The following CCDC148 variants were observed in gnomAD, a reference collection of about 807,000 sequenced individuals.
The protein encoded by CCDC148 is coiled-coil domain-containing protein 148.
Under a neutral mutation model 85.7 loss-of-function variants are expected in CCDC148, and 89 were observed. The observed-to-expected ratio is 1.04, with a 90% CI of 0.87 to 1.24. The LOEUF is 1.24. CCDC148 is among the 50% of genes most tolerant of loss of function. CCDC148 has a pLI of 0.00. For synonymous variants in CCDC148, 230 were observed against 213.9 expected (o/e 1.08, Z -0.66); for missense variants, 692 against 671.7 (o/e 1.03, Z -0.33).
At chr2:158,277,016 A>G (rs1341219688) in intron 9 of CCDC148, among the ~76,000 whole-genome samples, 1 of 152,252 alleles carries the variant, frequency 6.6e-6, no homozygotes, top group African/African-American at 2.4e-5. Flanking sequence ...CATGCAAATC[A>G]CAGAAGTTTA....
intron 11 of CCDC148, among the ~76,000 whole-genome samples, chr2:158,182,623 T>C (rs770942538): frequency 6.6e-6 from 1 of 152,090 alleles, no homozygotes; most frequent in Non-Finnish European, 1.5e-5. Context: ...ACAGTTGCAT[T>C]GGCTCCAAAG....
intron 10 of CCDC148, among the ~76,000 whole-genome samples, chr2:158,250,249 A>G (rs1688734944): frequency 6.6e-6 from 1 of 152,062 alleles, no homozygotes; most frequent in Admixed American, 6.6e-5. Flanking sequence ...ACAAATGTTT[A>G]CTCAAAAGAG....
chr2:158,305,582 C>T (rs1168237405), intron 9 of CCDC148, among the ~76,000 whole-genome samples: 2 of 151,828 alleles, frequency 1.3e-5, no homozygotes, highest in Admixed American at 1.3e-4. Flanking sequence ...CCTGTCTCTA[C>T]AAAATATTGA....
chr2:158,252,527 C>A (rs1179467271), intron 9 of CCDC148, among the ~76,000 whole-genome samples: 1 of 151,606 alleles, frequency 6.6e-6, no homozygotes, highest in East Asian at 1.9e-4. Flanking sequence ...CCCTAAATAC[C>A]CAAAAGATAG....
intron 1 of CCDC148, among the ~76,000 whole-genome samples, chr2:158,361,847 G>A (rs1009775994): frequency 2.6e-5 from 4 of 152,192 alleles, no homozygotes; most frequent in Admixed American, 2.0e-4. Flanking sequence ...TGGGCTAAAT[G>A]CCTTTAATTA....
chr2:158,367,475 C>T (rs1684253761), intron 1 of CCDC148, among the ~76,000 whole-genome samples: 1 of 152,124 alleles, frequency 6.6e-6, no homozygotes, highest in Admixed American at 6.6e-5. Context: ...CATTGAGACT[C>T]AAACATTGAG....
intron 10 of CCDC148, among the ~76,000 whole-genome samples, chr2:158,239,872 T>C (rs893786842): frequency 6.7e-6 from 1 of 150,162 alleles, no homozygotes; most frequent in African/African-American, 2.4e-5. Context: ...ATCCTGATAA[T>C]TAATTTACCA....
chr2:158,372,025 C>T (rs1484417640), intron 1 of CCDC148, among the ~76,000 whole-genome samples: 2 of 151,700 alleles, frequency 1.3e-5, no homozygotes, highest in Non-Finnish European at 2.9e-5. Flanking sequence ...GAACACAGTC[C>T]GGGAGAAAGA....
At chr2:158,254,221 A>T (rs959426724) in intron 9 of CCDC148, among the ~76,000 whole-genome samples, 2 of 151,762 alleles carry the variant, frequency 1.3e-5, no homozygotes, top group South Asian at 2.1e-4. Flanking sequence ...AATACTGATT[A>T]GTTAGTTGAT....
intron 10 of CCDC148, among the ~76,000 whole-genome samples, chr2:158,228,625 G>T (rs543157752): frequency 1.3e-5 from 2 of 152,252 alleles, no homozygotes; most frequent in South Asian, 4.1e-4. Context: ...ATACTATGTG[G>T]CCATAAAAAA....
chr2:158,261,046 C>A (rs1689200699), intron 9 of CCDC148, among the ~76,000 whole-genome samples: 1 of 151,788 alleles, frequency 6.6e-6, no homozygotes, highest in African/African-American at 2.4e-5. Flanking sequence ...AAAAAGAGCC[C>A]AAATAGCCAA....
chr2:158,241,189 G>A (rs1039469585), intron 10 of CCDC148, among the ~76,000 whole-genome samples: 12 of 152,130 alleles, frequency 7.9e-5, no homozygotes, highest in African/African-American at 2.9e-4. Context: ...ACATGTGTGT[G>A]TACACATGCA....
At chr2:158,381,389 A>G (rs1216831459) in intron 1 of CCDC148, among the ~76,000 whole-genome samples, 1 of 152,162 alleles carries the variant, frequency 6.6e-6, no homozygotes, top group African/African-American at 2.4e-5. Flanking sequence ...ATCCATTAGC[A>G]AAATCCAATT....
intron 10 of CCDC148, among the ~76,000 whole-genome samples, chr2:158,246,814 A>C (rs1014341950): frequency 4.6e-5 from 7 of 152,214 alleles, no homozygotes; most frequent in African/African-American, 1.4e-4. Flanking sequence ...GCTGTGCACT[A>C]GCCCTAAATC....
At chr2:158,396,869 C>A (rs984117390) in intron 1 of CCDC148, among the ~76,000 whole-genome samples, 1 of 152,182 alleles carries the variant, frequency 6.6e-6, no homozygotes, top group Non-Finnish European at 1.5e-5. Context: ...ACCAAAATTA[C>A]TACTACTCTT....
chr2:158,213,789 T>C (rs1686699955), intron 11 of CCDC148, among the ~76,000 whole-genome samples: 1 of 152,180 alleles, frequency 6.6e-6, no homozygotes, highest in Admixed American at 6.5e-5. Flanking sequence ...ACAGGGTAAG[T>C]GTTTAAAAAC....
intron 10 of CCDC148, among the ~76,000 whole-genome samples, chr2:158,221,054 T>C (rs1247303215): frequency 6.6e-6 from 1 of 152,226 alleles, no homozygotes; most frequent in Non-Finnish European, 1.5e-5. Flanking sequence ...ATCTACCTGT[T>C]ACTCAAGAAT....
chr2:158,361,249 C>A (rs1176551397), intron 1 of CCDC148, among the ~76,000 whole-genome samples: 1 of 152,138 alleles, frequency 6.6e-6, no homozygotes, highest in East Asian at 1.9e-4. Context: ...GGAATGCACT[C>A]TTCAGGATAT....
chr2:158,276,503 C>T (rs1348937207), intron 9 of CCDC148, among the ~76,000 whole-genome samples: 2 of 151,944 alleles, frequency 1.3e-5, no homozygotes, highest in Non-Finnish European at 2.9e-5. Context: ...TTGCAGTGAG[C>T]CGAGATCACG....
Sources: gnomAD v4.1 joint callset for allele counts (sites outside exome capture counted in the v4.1 genomes callset) on GRCh38, gnomAD v4.1.1 for gene constraint, MANE v1.5 for transcripts, NCBI Gene and HGNC (gene_info 2026-07-23, HGNC 2026-07-21) for gene names.